The following PARD3B variants were observed in gnomAD, a reference collection of about 807,000 sequenced individuals.
PARD3B encodes the protein par-3 family cell polarity regulator beta.
Under a neutral mutation model 130.2 loss-of-function variants are expected in PARD3B, and 103 were observed. That is an observed-to-expected ratio of 0.79 (90% CI 0.67 to 0.93). PARD3B has a LOEUF of 0.93. PARD3B is among the 40% of genes least tolerant of loss of function. The pLI, the probability that PARD3B is intolerant of heterozygous loss-of-function variation, is 0.00. For missense variants in PARD3B, 1,609 were observed against 1,499.2 expected (o/e 1.07, Z -1.21); for synonymous variants, 583 against 553.2 (o/e 1.05, Z -0.76).
chr2:205,251,818 T>A (rs2039862281), intron 16 of PARD3B, among the ~76,000 whole-genome samples: 1 of 152,210 alleles, frequency 6.6e-6, no homozygotes, highest in Non-Finnish European at 1.5e-5. Context: ...CTCATTAAGA[T>A]ATGACAGCAT....
chr2:205,404,572 T>C (rs2046357534), intron 19 of PARD3B, among the ~76,000 whole-genome samples: 1 of 152,222 alleles, frequency 6.6e-6, no homozygotes, highest in African/African-American at 2.4e-5. Flanking sequence ...TTTTAAAATA[T>C]GTCATGTTGA....
At chr2:204,917,660 A>C (rs2047498214) in intron 2 of PARD3B, among the ~76,000 whole-genome samples, 1 of 152,206 alleles carries the variant, frequency 6.6e-6, no homozygotes, top group South Asian at 2.1e-4. Flanking sequence ...TAGAATACTA[A>C]TGTTTTATAA....
chr2:205,302,751 G>C (rs1188152679), intron 18 of PARD3B, among the ~76,000 whole-genome samples: 1 of 152,118 alleles, frequency 6.6e-6, no homozygotes, highest in East Asian at 1.9e-4. Context: ...GTACAGGGGA[G>C]ATGTCACTGG....
At chr2:205,220,371 G>A (rs2125869787) in intron 15 of PARD3B, among the ~76,000 whole-genome samples, 1 of 152,244 alleles carries the variant, frequency 6.6e-6, no homozygotes, top group South Asian at 2.1e-4. Context: ...ATTTTAGGCT[G>A]CTTTTAGGTT....
intron 2 of PARD3B, among the ~76,000 whole-genome samples, chr2:204,722,551 C>T (rs1333487434): frequency 1.3e-5 from 2 of 152,164 alleles, no homozygotes; most frequent in African/African-American, 4.8e-5. Flanking sequence ...GCTCTATTAG[C>T]ATCTTGTCTA....
intron 2 of PARD3B, among the ~76,000 whole-genome samples, chr2:204,756,784 G>A (rs1451554258): frequency 6.6e-6 from 1 of 152,144 alleles, no homozygotes; most frequent in Non-Finnish European, 1.5e-5. Flanking sequence ...AAAAATTTTA[G>A]ATTTAGGGGG....
At chr2:205,188,836 G>GGA (rs2036240337) in intron 14 of PARD3B, among the ~76,000 whole-genome samples, 2 of 151,232 alleles carry the variant, frequency 1.3e-5, no homozygotes, top group African/African-American at 2.4e-5. Flanking sequence ...AAAGGGTGTT[G>GGA]GAGGGATGAG....
intron 15 of PARD3B, among the ~76,000 whole-genome samples, chr2:205,227,327 T>C (rs145121680): frequency 0.011 from 1,605 of 152,278 alleles, 33 homozygotes; most frequent in African/African-American, 0.037. Flanking sequence ...CTCTTTAGCT[T>C]TAGTAATATT....
In PARD3B at chr2:205,258,625, A is replaced by G. The variant is rs527655426; in HGVS notation, c.2185+12803A>G. On this transcript the variant is annotated intron_variant, in intron 16 of 22. Coordinates refer to ENST00000406610, the MANE Select transcript of PARD3B (RefSeq NM_001302769.2). This position sits in a 1 kb window ranked among gnomAD's most constrained non-coding sequence, Gnocchi z 4.9. ...CCCAGTTCCAAAAGCAGTGTGTGGC[A>G]CACGGCAGGCATCCTTTACGTAGTA... Among the ~76,000 whole-genome samples the G allele has an allele frequency of 6.6e-6, 1 of 152,318 alleles. No homozygotes were observed. The highest frequency in any genetic ancestry group is 2.4e-5 in the African/African-American group (1 of 41,570).
intron 1 of PARD3B, among the ~76,000 whole-genome samples, chr2:204,574,269 A>G (rs1411612384): frequency 2.0e-5 from 3 of 152,178 alleles, no homozygotes; most frequent in African/African-American, 4.8e-5. Flanking sequence ...TTTATGTTCT[A>G]TCTCCTTCTA....
chr2:205,241,249 C>A lies in PARD3B; in HGVS notation c.2141-4529C>A, dbSNP rs1418787177. Among the ~76,000 whole-genome samples, 1 of 152,058 alleles carries A rather than the reference C, an allele frequency of 6.6e-6. No homozygotes were observed. Among genetic ancestry groups the A allele is most frequent in the East Asian group, 1.9e-4 (1 of 5,194 alleles). On this transcript the variant is annotated intron_variant, in intron 15 of 22. Transcript: ENST00000406610. This position sits in a 1 kb window ranked among gnomAD's most constrained non-coding sequence, Gnocchi z 4.2. ...AAAGAGTGTCCTCTTTATTAAGCAC[C>A]TTATGATAATTAGGTAAAATAATGT...
intron 18 of PARD3B, among the ~76,000 whole-genome samples, chr2:205,368,919 T>C (rs561300108): frequency 1.3e-5 from 2 of 152,034 alleles, no homozygotes; most frequent in Non-Finnish European, 2.9e-5. Context: ...CTCTATGACT[T>C]GTCTTCCTCC....
intron 2 of PARD3B, among the ~76,000 whole-genome samples, chr2:204,873,339 A>G (rs1010805882): frequency 6.6e-6 from 1 of 152,196 alleles, no homozygotes; most frequent in African/African-American, 2.4e-5. Flanking sequence ...TTTTCCTATC[A>G]TAGCAGGCAA....
chr2:205,388,746 T>C (rs555979128), intron 18 of PARD3B, among the ~76,000 whole-genome samples: 1 of 152,230 alleles, frequency 6.6e-6, no homozygotes, highest in South Asian at 2.1e-4. Flanking sequence ...CCCCTCTGGA[T>C]AAAGGGGAAA....
intron 2 of PARD3B, among the ~76,000 whole-genome samples, chr2:204,829,822 A>T (rs1334504677): frequency 1.3e-5 from 2 of 151,884 alleles, no homozygotes; most frequent in African/African-American, 4.8e-5. Context: ...ACACGGTGAA[A>T]CCCCGTCTCT....
intron 20 of PARD3B, among the ~76,000 whole-genome samples, chr2:205,450,620 C>T (rs2048066962): frequency 6.6e-6 from 1 of 151,658 alleles, no homozygotes; most frequent in East Asian, 1.9e-4. Context: ...ATTACAGGCG[C>T]CTGCCACCAC....
At chr2:204,756,108 T>C (rs939973866) in intron 2 of PARD3B, among the ~76,000 whole-genome samples, 2 of 152,142 alleles carry the variant, frequency 1.3e-5, no homozygotes, top group Admixed American at 1.3e-4. Flanking sequence ...GGAATTGCAG[T>C]CATTGAGTTT....
In PARD3B at chr2:204,623,591, G is replaced by C. The variant is rs1028384266; in HGVS notation, c.121-62590G>C. 1.3e-5 allele frequency among the ~76,000 whole-genome samples: 2 copies of C among 151,908 alleles called. No homozygotes were observed. Among genetic ancestry groups the C allele is most frequent in the Admixed American group, 1.3e-4 (2 of 15,236 alleles). ...TTTCTACTTGGCATAATGTCATTGA[G>C]ATATATCCAAGTTGTTGCATGTATC... On this transcript the variant is annotated intron_variant, in intron 1 of 22. Transcript: ENST00000406610. This position sits in a 1 kb window ranked among gnomAD's most constrained non-coding sequence, Gnocchi z 4.5.
At position 204,996,624 on chromosome 2, in the gene PARD3B, C is replaced by G. The variant is rs879707071; in HGVS notation, c.394+31301C>G. 4.0e-3 allele frequency among the ~76,000 whole-genome samples: 609 copies of G among 150,758 alleles called. 4 individuals are homozygous for G. The highest frequency in any genetic ancestry group is 0.038 in the Middle Eastern group (11 of 292). On this transcript the variant is annotated intron_variant, in intron 3 of 22. Coordinates refer to ENST00000406610, the MANE Select transcript of PARD3B (RefSeq NM_001302769.2). Reference sequence around the variant, plus strand: ...TGGGCTCCACCCAGTTCGAGCTTCCCGGCTGCTTTGTTTACCTAAGCAAGC... The same window carrying G: ...TGGGCTCCACCCAGTTCGAGCTTCCGGGCTGCTTTGTTTACCTAAGCAAGC...
Sources: allele counts gnomAD v4.1 joint callset (sites outside exome capture counted in the v4.1 genomes callset), GRCh38; gene constraint gnomAD v4.1.1; non-coding constraint Gnocchi (gnomAD v3.1); transcripts MANE v1.5; gene names NCBI Gene and HGNC (gene_info 2026-07-23, HGNC 2026-07-21).